The following EIF4G3 variants were observed in gnomAD, a reference collection of about 807,000 sequenced individuals.
The protein encoded by EIF4G3 is eukaryotic translation initiation factor 4 gamma 3, also known as eIF-4-gamma 3.
A neutral mutation model predicts 186.4 loss-of-function variants in EIF4G3; 34 were observed. That is an observed-to-expected ratio of 0.18 (90% CI 0.14 to 0.24). EIF4G3 has a LOEUF of 0.24. Among genes scored for constraint, EIF4G3 ranks in the 10% least tolerant of loss-of-function variants. The pLI is 1.00. For synonymous variants in EIF4G3, 673 were observed against 679.5 expected (o/e 0.99, Z 0.15); for missense variants, 1,536 against 1,948.5 (o/e 0.79, Z 3.99).
intron 3 of EIF4G3, among the ~76,000 whole-genome samples, chr1:21,087,229 T>G (rs1438608377): frequency 6.6e-6 from 1 of 152,202 alleles, no homozygotes; most frequent in East Asian, 1.9e-4. Flanking sequence ...ATTTAAAAGA[T>G]AGGTTTCACT....
chr1:20,811,646 C>G lies in EIF4G3; in HGVS notation c.4598-762G>C, dbSNP rs145889367. ...TGAAACAGTGACTGTGGTTTTATGA[C>G]AAACTACAAAAGCAAAATTAATCAA... On this transcript the variant is annotated intron_variant, in intron 35 of 36. Transcript: ENST00000602326. Among the ~76,000 whole-genome samples the G allele has an allele frequency of 4.2e-3, 633 of 152,132 alleles. 5 individuals are homozygous for G. The highest frequency in any genetic ancestry group is 0.014 in the African/African-American group (591 of 41,512).
chr1:20,820,228 G>A (rs1275984781), intron 33 of EIF4G3, among the ~76,000 whole-genome samples: 2 of 151,994 alleles, frequency 1.3e-5, no homozygotes, highest in East Asian at 1.9e-4. Context: ...CCTGACCTGC[G>A]GCTGCAGACC....
chr1:20,948,106 G>T (rs188530932), intron 13 of EIF4G3, among the ~76,000 whole-genome samples: 32 of 152,290 alleles, frequency 2.1e-4, no homozygotes, highest in Non-Finnish European at 4.3e-4. Flanking sequence ...CTCTTTGCAT[G>T]GGAAGTATTC....
intron 2 of EIF4G3, among the ~76,000 whole-genome samples, chr1:21,140,140 C>T (rs1337615022): frequency 6.6e-6 from 1 of 152,112 alleles, no homozygotes; most frequent in Admixed American, 6.5e-5. Context: ...ATGTGTCTTT[C>T]TCAGGAAAAT....
intron 13 of EIF4G3, among the ~76,000 whole-genome samples, chr1:20,943,505 G>A (rs1341165011): frequency 6.6e-6 from 1 of 152,218 alleles, no homozygotes; most frequent in African/African-American, 2.4e-5. Flanking sequence ...GGAAACCAAA[G>A]GAGATTTAGA....
At position 21,031,367 on chromosome 1, in the gene EIF4G3, A is replaced by G. The variant is rs149386322; in HGVS notation, c.-67+19499T>C. Among the ~76,000 whole-genome samples, 335 of 151,292 alleles carry G rather than the reference A, an allele frequency of 2.2e-3. 3 individuals are homozygous for G. In the East Asian group the frequency reaches 0.038, roughly 17 times the overall value. ...CAAACAATGAGAAAATGGGTCCAGA[A>G]AAATGAGGAATGATGGCAAAAAAAA... On this transcript the variant is annotated intron_variant, in intron 4 of 36. Coordinates refer to ENST00000602326, the MANE Select transcript of EIF4G3 (RefSeq NM_001391906.1).
At chr1:21,077,091 AAAAAG>A (rs1268823517) in intron 3 of EIF4G3, among the ~76,000 whole-genome samples, 1 of 152,210 alleles carries the variant, frequency 6.6e-6, no homozygotes, top group Non-Finnish European at 1.5e-5. Flanking sequence ...ACTCAACAGC[AAAAAG>A]AAAAGAAGAA....
At chr1:21,052,530 T>C (rs564938784) in intron 3 of EIF4G3, among the ~76,000 whole-genome samples, 3 of 152,036 alleles carry the variant, frequency 2.0e-5, no homozygotes, top group Admixed American at 1.3e-4. Flanking sequence ...TTAAAACAAA[T>C]TCCTAGCTCC....
intron 9 of EIF4G3, 119 bp downstream of exon 9, chr1:20,980,929 A>C (rs558530865): frequency 1.3e-6 from 1 of 749,192 alleles, no homozygotes; most frequent in African/African-American, 1.8e-5. Context: ...TAACCAACAA[A>C]ACAGTTCACA....
chr1:21,133,256 G>A (rs1008891106), intron 2 of EIF4G3, among the ~76,000 whole-genome samples: 1 of 151,478 alleles, frequency 6.6e-6, no homozygotes, highest in South Asian at 2.1e-4. Flanking sequence ...ACGGAGTCTC[G>A]CTGTGTCACC....
chr1:21,125,270 T>TA (rs1229548238), intron 2 of EIF4G3, among the ~76,000 whole-genome samples: 3 of 152,194 alleles, frequency 2.0e-5, no homozygotes, highest in Non-Finnish European at 4.4e-5. Context: ...CAACTTCTGA[T>TA]AAAGTTACTG....
intron 3 of EIF4G3, among the ~76,000 whole-genome samples, chr1:21,088,450 A>G (rs1399394308): frequency 2.0e-5 from 3 of 152,284 alleles, no homozygotes; most frequent in South Asian, 2.1e-4. Context: ...TCACTCTTCT[A>G]AACTTTCAGC....
At chr1:20,821,002 C>T (rs1389742492) in intron 33 of EIF4G3, among the ~76,000 whole-genome samples, 1 of 152,102 alleles carries the variant, frequency 6.6e-6, no homozygotes, top group Non-Finnish European at 1.5e-5. Context: ...AAATAAAACT[C>T]TTCTTCACCC....
chr1:20,931,421 T>C (rs2095304822), intron 14 of EIF4G3, among the ~76,000 whole-genome samples: 2 of 152,156 alleles, frequency 1.3e-5, no homozygotes, highest in South Asian at 4.1e-4. Flanking sequence ...TGCAAACAGA[T>C]GTGTCATCAT....
chr1:20,911,297 G>GT (rs916034429), intron 14 of EIF4G3, among the ~76,000 whole-genome samples: 116 of 152,236 alleles, frequency 7.6e-4, no homozygotes, highest in African/African-American at 2.6e-3. Context: ...GTTGAGAGCA[G>GT]TGGCTCATGC....
At chr1:20,821,105 G>A (rs982312504) in intron 33 of EIF4G3, among the ~76,000 whole-genome samples, 1 of 152,172 alleles carries the variant, frequency 6.6e-6, no homozygotes, top group Admixed American at 6.5e-5. Context: ...CAAAAAAATC[G>A]ACACTCCAGA....
intron 34 of EIF4G3, among the ~76,000 whole-genome samples, chr1:20,813,938 T>C (rs1252247683): frequency 7.0e-6 from 1 of 143,336 alleles, no homozygotes; most frequent in African/African-American, 2.6e-5. Context: ...TAAGAACAGA[T>C]GAGTCACTGT....
intron 4 of EIF4G3, among the ~76,000 whole-genome samples, chr1:21,005,598 TAAC>T (rs1202398886): frequency 1.3e-5 from 2 of 152,170 alleles, no homozygotes; most frequent in Non-Finnish European, 1.5e-5. Context: ...CTCAAAATTT[TAAC>T]AACATTTTCA....
intron 30 of EIF4G3, among the ~76,000 whole-genome samples, chr1:20,840,239 A>C (rs74780967): frequency 6.6e-6 from 1 of 152,264 alleles, no homozygotes; most frequent in Non-Finnish European, 1.5e-5. Context: ...TGATGATGGT[A>C]TATCACAAAT....
Sources: allele counts gnomAD v4.1 joint callset (sites outside exome capture counted in the v4.1 genomes callset), GRCh38; gene constraint gnomAD v4.1.1; transcripts MANE v1.5; gene names NCBI Gene and HGNC (gene_info 2026-07-23, HGNC 2026-07-21).